The following STPG2 variants were observed in gnomAD, a reference collection of about 807,000 sequenced individuals.
The protein encoded by STPG2 is sperm tail PG-rich repeat containing 2, also known as sperm-tail PG-rich repeat-containing protein 2.
In STPG2, 56 loss-of-function variants were observed where a neutral mutation model predicts 54.2. The observed-to-expected ratio is 1.03, with a 90% confidence interval of 0.83 to 1.29. The LOEUF is 1.29. Ranked by LOEUF, STPG2 falls within the 50% of genes most tolerant of loss-of-function variation. STPG2 has a pLI of 0.00. For synonymous variants in STPG2, 200 were observed against 181.8 expected, an observed-to-expected ratio of 1.10 and a Z score of -0.81; for missense variants, 596 against 544.9, an observed-to-expected ratio of 1.09 and a Z score of -0.93.
intron 8 of STPG2, among the ~76,000 whole-genome samples, chr4:97,863,309 C>T (rs1313534054): frequency 2.0e-5 from 3 of 152,158 alleles, no homozygotes; most frequent in Non-Finnish European, 2.9e-5. Context: ...TCAGAGAATA[C>T]TATAAACACC....
intron 5 of STPG2, among the ~76,000 whole-genome samples, chr4:98,073,472 T>C (rs1428857495): frequency 6.6e-6 from 1 of 152,164 alleles, no homozygotes; most frequent in Non-Finnish European, 1.5e-5. Flanking sequence ...ATGCCTGTAA[T>C]CCCAGCACTT....
chr4:98,029,592 A>G (rs927130667), intron 5 of STPG2, among the ~76,000 whole-genome samples: 13 of 152,190 alleles, frequency 8.5e-5, no homozygotes, highest in African/African-American at 3.1e-4. Flanking sequence ...AATTAGAAAT[A>G]GCACAGTTGT....
At chr4:98,041,961 C>A (rs572728909) in intron 5 of STPG2, among the ~76,000 whole-genome samples, 1 of 152,000 alleles carries the variant, frequency 6.6e-6, no homozygotes, top group East Asian at 1.9e-4. Flanking sequence ...TCCATCTGGT[C>A]CTAGGCTTTC....
chr4:98,130,142 G>A (rs1192647630), intron 2 of STPG2, among the ~76,000 whole-genome samples: 7 of 151,462 alleles, frequency 4.6e-5, no homozygotes, highest in South Asian at 4.2e-4. Flanking sequence ...TCACAGGCAC[G>A]AGCCACCGTG....
chr4:97,788,658 T>TC (rs1234779910), intron 9 of STPG2, among the ~76,000 whole-genome samples: 1 of 152,146 alleles, frequency 6.6e-6, no homozygotes, highest in East Asian at 1.9e-4. Context: ...CAAACTGTTC[T>TC]CCATAGTAGC....
At position 97,779,446 on chromosome 4, in the gene STPG2, TA is replaced by T. The variant is rs769818950; in HGVS notation, c.1204+61326del. ...TACACGACTATGTATAGACCAAATC[TA>T]TATCTGATCGGTGTACCTGAAAGTG... On this transcript the variant is annotated intron_variant, in intron 9 of 10. Coordinates refer to ENST00000295268, the MANE Select transcript of STPG2 (RefSeq NM_174952.3). Among the ~76,000 whole-genome samples, 1,040 of 152,220 alleles carry T rather than the reference TA, an allele frequency of 6.8e-3. 3 individuals are homozygous for T. Among genetic ancestry groups the T allele is most frequent in the African/African-American group, 9.2e-3 (381 of 41,530 alleles).
In STPG2 at chr4:97,944,286, T is replaced by A. The variant is rs190981338; in HGVS notation, c.934-279A>T. Among the ~76,000 whole-genome samples the A allele has an allele frequency of 4.5e-3, 683 of 152,150 alleles. 2 individuals are homozygous for A. The highest frequency in any genetic ancestry group is 7.1e-3 in the Non-Finnish European group (485 of 67,940). On this transcript the variant is annotated intron_variant, in intron 7 of 10. Coordinates refer to ENST00000295268, the MANE Select transcript of STPG2 (RefSeq NM_174952.3). ...AACATATTAGCTATGTTCTATTTCA[T>A]AACCAGCAAGTTCTGTCTCAATAAT...
At chr4:97,779,210 G>T (rs1380902550) in intron 9 of STPG2, among the ~76,000 whole-genome samples, 1 of 152,152 alleles carries the variant, frequency 6.6e-6, no homozygotes, top group Non-Finnish European at 1.5e-5. Context: ...TGGCTAACTA[G>T]AATAACCAGT....
intron 5 of STPG2, among the ~76,000 whole-genome samples, chr4:98,019,172 A>T (rs1736083114): frequency 6.6e-6 from 1 of 152,168 alleles, no homozygotes; most frequent in South Asian, 2.1e-4. Flanking sequence ...TAAGTCTTTA[A>T]TCCATCTTGA....
At chr4:97,742,223 G>A (rs1578525604) in intron 9 of STPG2, among the ~76,000 whole-genome samples, 1 of 151,822 alleles carries the variant, frequency 6.6e-6, no homozygotes, top group Admixed American at 6.6e-5. Flanking sequence ...GTGGGGTTGG[G>A]GGAGGAAGGA....
chr4:97,978,877 A>G (rs965974833), intron 6 of STPG2, among the ~76,000 whole-genome samples: 3 of 152,118 alleles, frequency 2.0e-5, no homozygotes, highest in Non-Finnish European at 4.4e-5. Flanking sequence ...ATTTATGGTA[A>G]TCCCTCATAG....
chr4:98,104,313 T>G (rs1739129509), intron 5 of STPG2, among the ~76,000 whole-genome samples: 1 of 152,136 alleles, frequency 6.6e-6, no homozygotes, highest in Non-Finnish European at 1.5e-5. Context: ...TAAATTAAAA[T>G]TTTTTACACC....
chr4:97,834,628 T>C (rs1232754992), intron 9 of STPG2, among the ~76,000 whole-genome samples: 1 of 152,004 alleles, frequency 6.6e-6, no homozygotes, highest in Non-Finnish European at 1.5e-5. Context: ...GAGAAAAAAA[T>C]ATGTTTCAAG....
intron 10 of STPG2, among the ~76,000 whole-genome samples, chr4:97,635,436 C>T (rs1189832805): frequency 2.0e-5 from 3 of 152,100 alleles, no homozygotes; most frequent in African/African-American, 4.8e-5. Context: ...CATCAACTAA[C>T]GAGCAAAATA....
At chr4:97,615,006 A>C (rs1733822741) in intron 10 of STPG2, among the ~76,000 whole-genome samples, 1 of 152,086 alleles carries the variant, frequency 6.6e-6, no homozygotes, top group Non-Finnish European at 1.5e-5. Flanking sequence ...ACTTCAACAT[A>C]ATCTTGTTCC....
At chr4:97,680,117 T>C (rs1722985969) in intron 10 of STPG2, among the ~76,000 whole-genome samples, 2 of 151,488 alleles carry the variant, frequency 1.3e-5, no homozygotes, top group Admixed American at 1.3e-4. Flanking sequence ...CAGGCTCTTT[T>C]TTGGTTCCAT....
intron 9 of STPG2, among the ~76,000 whole-genome samples, chr4:97,829,578 A>T (rs188254441): frequency 6.6e-6 from 1 of 152,294 alleles, no homozygotes; most frequent in Admixed American, 6.5e-5. Flanking sequence ...AACTCCTCTG[A>T]GCTAAAGGAG....
chr4:97,871,091 C>T (rs979689561), intron 8 of STPG2, among the ~76,000 whole-genome samples: 23 of 150,820 alleles, frequency 1.5e-4, no homozygotes, highest in African/African-American at 5.3e-4. Context: ...AATACAAATT[C>T]AAATTATAGA....
chr4:97,843,561 C>T (rs1728862533), intron 8 of STPG2, among the ~76,000 whole-genome samples: 4 of 151,884 alleles, frequency 2.6e-5, no homozygotes, highest in African/African-American at 9.7e-5. Context: ...GACTTACGAA[C>T]CCCTCAGTGA....
Sources: gnomAD v4.1 joint callset for allele counts (sites outside exome capture counted in the v4.1 genomes callset) on GRCh38, gnomAD v4.1.1 for gene constraint, MANE v1.5 for transcripts, NCBI Gene and HGNC (gene_info 2026-07-23, HGNC 2026-07-21) for gene names.